RORB: variants seen among roughly 807,000 people sequenced by gnomAD.
RORB encodes the protein RAR related orphan receptor B.
In RORB, 6 loss-of-function variants were observed where a neutral mutation model predicts 59.1. The ratio of observed to expected loss-of-function variants is 0.10; its 90% CI spans 0.06 to 0.20. The LOEUF is 0.20. RORB is among the 10% of genes least tolerant of loss of function. The pLI, the probability that RORB is intolerant of heterozygous loss-of-function variation, is 1.00. For synonymous variants in RORB, 215 were observed against 204.5 expected (o/e 1.05, Z -0.44); for missense variants, 320 against 560.5 (o/e 0.57, Z 4.33).
intron 1 of RORB, among the ~76,000 whole-genome samples, chr9:74,567,989 T>A (rs986022162): frequency 1.3e-5 from 2 of 152,240 alleles, no homozygotes; most frequent in African/African-American, 4.8e-5. Flanking sequence ...AGGCTTTATA[T>A]GTGTTCATTA....
chr9:74,506,913 T>C (rs1170706777), intron 1 of RORB, among the ~76,000 whole-genome samples: 1 of 152,130 alleles, frequency 6.6e-6, no homozygotes, highest in Non-Finnish European at 1.5e-5. Context: ...TAATTCCAGA[T>C]TTTTTCTTGG....
rs1587377752 is a variant in RORB, at chr9:74,598,183, C to T, written c.8-32099C>T. 4.6e-5 allele frequency among the ~76,000 whole-genome samples: 7 copies of T among 152,196 alleles called. 1 individual carries two copies. The South Asian group carries it at 1.5e-3, about 32-fold the overall frequency. ...TCTTGGCGTGTCAATTGCCCATCAA[C>T]CGATTGGGGCCTGGGGTGTTGGAGG... On this transcript the variant is annotated intron_variant, in intron 1 of 9. Transcript: ENST00000376896.
chr9:74,548,797 C>T (rs945979498), intron 1 of RORB, among the ~76,000 whole-genome samples: 15 of 152,000 alleles, frequency 9.9e-5, no homozygotes, highest in Non-Finnish European at 8.8e-5. Context: ...TACATAATAC[C>T]GTAAACAAAT....
intron 3 of RORB, among the ~76,000 whole-genome samples, chr9:74,641,197 G>C (rs534587064): frequency 4.0e-5 from 6 of 151,160 alleles, no homozygotes; most frequent in Non-Finnish European, 8.9e-5. Context: ...AACAAGGTAG[G>C]CCTGTGACTC....
In RORB at chr9:74,662,461, T is replaced by G. The variant is rs1338523719; in HGVS notation, c.760-13T>G. On this transcript the variant is annotated splice_polypyrimidine_tract_variant and intron_variant, in intron 5 of 9. Transcript: ENST00000376896. ...GTTTGCCCTATTTACATTCTGTGTC[T>G]TCTCTCCTCAAGTCCAGGGAAGCAC... The G allele has an allele frequency of 2.5e-6, 4 of 1,613,770 alleles. No individual in the cohort carries two copies. In the South Asian group the frequency reaches 4.4e-5, roughly 18 times the overall value.
At chr9:74,665,249 T>C (rs759115751) in intron 6 of RORB, among the ~76,000 whole-genome samples, 4 of 151,976 alleles carry the variant, frequency 2.6e-5, no homozygotes, top group Non-Finnish European at 5.9e-5. Flanking sequence ...ATATATTAGG[T>C]TTTTGCCAAT....
intron 4 of RORB, among the ~76,000 whole-genome samples, chr9:74,644,652 A>G (rs1404848896): frequency 6.6e-6 from 1 of 152,168 alleles, no homozygotes; most frequent in East Asian, 1.9e-4. Context: ...AAACTTTTCA[A>G]GAGGGAAAAG....
chr9:74,648,607 C>G (rs762618497), intron 4 of RORB, among the ~76,000 whole-genome samples: 1 of 152,168 alleles, frequency 6.6e-6, no homozygotes, highest in African/African-American at 2.4e-5. Flanking sequence ...GAGAGCAGGA[C>G]GATACTCGGG....
chr9:74,539,707 G>A (rs888437390), intron 1 of RORB, among the ~76,000 whole-genome samples: 3 of 151,954 alleles, frequency 2.0e-5, no homozygotes, highest in Admixed American at 2.0e-4. Context: ...GCTGGATAAG[G>A]GAATAAAGAA....
chr9:74,630,640 A>G (rs1301232177), intron 2 of RORB, among the ~76,000 whole-genome samples: 1 of 152,018 alleles, frequency 6.6e-6, no homozygotes, highest in Non-Finnish European at 1.5e-5. Context: ...ACAAACACTG[A>G]CTCTTGCTGT....
intron 1 of RORB, among the ~76,000 whole-genome samples, chr9:74,594,771 C>T (rs969188981): frequency 5.9e-5 from 9 of 151,974 alleles, no homozygotes; most frequent in Non-Finnish European, 1.3e-4. Flanking sequence ...CCACTATTTT[C>T]ATTTGAGAGG....
At chr9:74,601,359 A>G in intron 1 of RORB, among the ~76,000 whole-genome samples, 1 of 138,876 alleles carries the variant, frequency 7.2e-6, no homozygotes, top group South Asian at 2.3e-4. Context: ...TTTTGCATAG[A>G]GAATATGTGA....
chr9:74,663,828 C>G (rs1204365225), intron 6 of RORB, among the ~76,000 whole-genome samples: 1 of 152,048 alleles, frequency 6.6e-6, no homozygotes, highest in Non-Finnish European at 1.5e-5. Context: ...GCTCAAGGCT[C>G]CAAAAGCTAG....
intron 9 of RORB, among the ~76,000 whole-genome samples, chr9:74,678,947 G>A (rs527898374): frequency 7.3e-5 from 11 of 150,948 alleles, no homozygotes; most frequent in Admixed American, 4.0e-4. Context: ...CAGGAGAATC[G>A]CTTGAACCCA....
intron 1 of RORB, among the ~76,000 whole-genome samples, chr9:74,537,339 T>C (rs561924819): frequency 8.5e-5 from 13 of 152,182 alleles, no homozygotes; most frequent in African/African-American, 2.2e-4. Context: ...AGACTTTTTC[T>C]GCATATGGCT....
intron 1 of RORB, among the ~76,000 whole-genome samples, chr9:74,583,099 TCCC>T (rs945485386): frequency 6.6e-6 from 1 of 152,056 alleles, no homozygotes; most frequent in Non-Finnish European, 1.5e-5. Context: ...CATATGTTGC[TCCC>T]TCTACCCACC....
At chr9:74,520,043 A>T (rs1216499729) in intron 1 of RORB, among the ~76,000 whole-genome samples, 1 of 151,922 alleles carries the variant, frequency 6.6e-6, no homozygotes, top group Non-Finnish European at 1.5e-5. Flanking sequence ...CACACAGCAC[A>T]TAGAGACTTA....
intron 3 of RORB, among the ~76,000 whole-genome samples, chr9:74,641,678 C>A (rs1184213286): frequency 6.6e-6 from 1 of 151,894 alleles, no homozygotes; most frequent in East Asian, 1.9e-4. Context: ...AGACAGGAGG[C>A]TCACTTGAGG....
chr9:74,549,599 A>G (rs1826569041), intron 1 of RORB, among the ~76,000 whole-genome samples: 2 of 60,622 alleles, frequency 3.3e-5, no homozygotes, highest in African/African-American at 1.7e-4. Flanking sequence ...GAAGGAAGGA[A>G]GGAAGGAAGA....
Sources: gnomAD v4.1 joint callset for allele counts (sites outside exome capture counted in the v4.1 genomes callset) on GRCh38, gnomAD v4.1.1 for gene constraint, MANE v1.5 for transcripts, NCBI Gene and HGNC (gene_info 2026-07-23, HGNC 2026-07-21) for gene names.